Variants in ELN observed in about 807,000 individuals in gnomAD.
ELN encodes the protein elastin, also known as tropoelastin.
A neutral mutation model predicts 105.8 loss-of-function variants in ELN; 65 were observed. The observed-to-expected ratio is 0.61, with a 90% CI of 0.50 to 0.75. The LOEUF is 0.75. Ranked by LOEUF, ELN falls within the 30% of genes least tolerant of loss-of-function variation. ELN has a pLI of 0.00. For missense variants in ELN, 882 were observed against 969.4 expected (o/e 0.91, Z 1.20); for synonymous variants, 368 against 389.2 (o/e 0.95, Z 0.64).
chr7:74,054,866 C>A, intron 19 of ELN, 97 bp downstream of exon 19: 1 of 1,415,238 alleles, frequency 7.1e-7, no homozygotes, highest in Non-Finnish European at 1.0e-6. Context: ...AGGGAAGTGA[C>A]TTGCCCAAGG....
At chr7:74,046,664 G>C in intron 11 of ELN, 32 bp from the exon 12 acceptor site, 1 of 1,613,216 alleles carries the variant, frequency 6.2e-7, no homozygotes, top group Non-Finnish European at 8.5e-7. Flanking sequence ...AGGGGGTGCT[G>C]GGACCTGAAC....
intron 22 of ELN, among the ~76,000 whole-genome samples, chr7:74,058,341 C>T (rs1289120413): frequency 2.7e-5 from 4 of 149,890 alleles, no homozygotes; most frequent in African/African-American, 9.8e-5. Context: ...CCTTTTCCTC[C>T]TTCTTCTTTC....
At chr7:74,055,946 C>T (rs1212506714) in intron 19 of ELN, among the ~76,000 whole-genome samples, 1 of 151,832 alleles carries the variant, frequency 6.6e-6, no homozygotes, top group African/African-American at 2.4e-5. Context: ...GCCACCACGC[C>T]CGGCTAATTT....
At chr7:74,061,259 G>A (rs1323942799) in intron 26 of ELN, 120 bp downstream of exon 26, 12 of 1,280,636 alleles carry the variant, frequency 9.4e-6, no homozygotes, top group Non-Finnish European at 1.2e-5. Context: ...GCTCACACCT[G>A]TAATCCCAGC....
At chr7:74,051,645 C>T (rs1554676042) in intron 15 of ELN, 105 bp from the exon 16 acceptor site, 13 of 1,345,506 alleles carry the variant, frequency 9.7e-6, no homozygotes, top group Non-Finnish European at 1.0e-6. Flanking sequence ...GGCCCCATTC[C>T]TGGATAAGAT....
intron 19 of ELN, among the ~76,000 whole-genome samples, chr7:74,055,763 G>A (rs942576372): frequency 6.7e-6 from 1 of 149,732 alleles, no homozygotes. Flanking sequence ...TTATGGGCAT[G>A]AGCCACTGCA....
chr7:74,036,957 A>G (rs1276183358), intron 3 of ELN, among the ~76,000 whole-genome samples: 1 of 151,822 alleles, frequency 6.6e-6, no homozygotes, highest in Admixed American at 6.6e-5. Flanking sequence ...ATTAGCGAGG[A>G]CTACAGGCGC....
At chr7:74,040,721 C>A (rs575864242) in intron 4 of ELN, among the ~76,000 whole-genome samples, 1 of 152,120 alleles carries the variant, frequency 6.6e-6, no homozygotes, top group Non-Finnish European at 1.5e-5. Context: ...ACCCATTTGG[C>A]GTCTCATAAA....
At chr7:74,065,422 C>A (rs1351678447) in intron 29 of ELN, among the ~76,000 whole-genome samples, 1 of 151,856 alleles carries the variant, frequency 6.6e-6, no homozygotes, top group Admixed American at 6.6e-5. Context: ...CGCGACCAGC[C>A]TGGCCAACAT....
intron 1 of ELN, 42 bp from the exon 2 acceptor site, chr7:74,035,322 G>T: frequency 6.2e-7 from 1 of 1,612,176 alleles, no homozygotes; most frequent in Non-Finnish European, 8.5e-7. Context: ...CAGCCTAATA[G>T]TTCTGGCTCC....
At position 74,057,661 on chromosome 7, in the gene ELN, C is replaced by T. The variant is rs1554681141; in HGVS notation, c.1379C>T (p.Ala460Val). The change falls in exon 22 of 33, where the codon GCA (alanine) becomes GTA (valine). Residue 460 changes from alanine (A) to valine (V), a missense_variant. Ala to Val is a moderately conservative substitution (Grantham distance 64). Transcript: ENST00000252034. The stretch of plus-strand genomic sequence containing the variant: ...CCAGGAGTGGGGACCCCAGCAGCTG[C>T]AGCTGCTAAAGCAGCCGCCAAAGCC... ...AKYGVGTPAA[A>V]AAKAAAKAAQ... The T allele has an allele frequency of 1.2e-6, 2 of 1,613,890 alleles. No homozygotes were observed. The highest frequency in any genetic ancestry group is 3.3e-5 in the Admixed American group (2 of 60,014).
At chr7:74,031,414 A>G (rs1554662183) in intron 1 of ELN, among the ~76,000 whole-genome samples, 1 of 152,126 alleles carries the variant, frequency 6.6e-6, no homozygotes, top group Admixed American at 6.5e-5. Context: ...GGGCTCATGG[A>G]TCCTTGTAAT....
chr7:74,033,819 C>T (rs1299665780), intron 1 of ELN, among the ~76,000 whole-genome samples: 3 of 152,234 alleles, frequency 2.0e-5, no homozygotes, highest in Non-Finnish European at 2.9e-5. Context: ...ACGGGGCTCC[C>T]GGCCCCTTTC....
intron 8 of ELN, 184 bp downstream of exon 8, chr7:74,043,352 C>A: frequency 1.1e-6 from 1 of 902,214 alleles, no homozygotes. Context: ...GCCTGGCCCA[C>A]TTCCCGGGCC....
Position 74,043,032 on chromosome 7 carries a change from C to A in ELN, c.374C>A (p.Ala125Glu), listed in dbSNP as rs1554669710. ...GGAGTTGGTGGCTTAGGAGTGTCTG[C>A]AGGTACGATGGCTATCCCCGAACTC... is the stretch of plus-strand genomic sequence containing the variant. Reference protein sequence around the residue: ...VPGVGGLGVSAGAVVPQPGAG... With the variant: ...VPGVGGLGVSEGAVVPQPGAG... Residue 125 changes from alanine (A) to glutamate (E), a missense_variant and splice_region_variant, in exon 7 of 33, where the codon GCA becomes GAA. Ala to Glu is a moderately radical substitution (Grantham distance 107). Transcript: ENST00000252034. 4.3e-6 allele frequency: 7 copies of A among 1,614,128 alleles called. No individual in the cohort carries two copies. In the South Asian group the frequency reaches 7.7e-5, roughly 18 times the overall value.
chr7:74,035,806 G>A (rs1554665229), intron 2 of ELN: 1 of 334,950 alleles, frequency 3.0e-6, no homozygotes, highest in Non-Finnish European at 5.8e-6. Context: ...GGGCATAGTG[G>A]TGCACGCCTG....
At chr7:74,054,612 G>A in intron 18 of ELN, 104 bp from the exon 19 acceptor site, 1 of 1,197,918 alleles carries the variant, frequency 8.3e-7, no homozygotes, top group Non-Finnish European at 1.2e-6. Flanking sequence ...ATGTTGGCAT[G>A]AAAGGAGATG....
intron 1 of ELN, 27 bp from the exon 2 acceptor site, chr7:74,035,337 G>C (rs1345178924): frequency 6.2e-7 from 1 of 1,613,788 alleles, no homozygotes. Flanking sequence ...GGCTCCTGGA[G>C]GACTGACTCT....
At chr7:74,048,021 T>G in intron 13 of ELN, 121 bp from the exon 14 acceptor site, 1 of 1,229,494 alleles carries the variant, frequency 8.1e-7, no homozygotes. Flanking sequence ...GTTTTCACTC[T>G]GGCTGGGGGT....
Sources: allele counts gnomAD v4.1 joint callset (sites outside exome capture counted in the v4.1 genomes callset), GRCh38; gene constraint gnomAD v4.1.1; transcripts MANE v1.5; gene names NCBI Gene and HGNC (gene_info 2026-07-23, HGNC 2026-07-21).